ESRRG: variants seen among roughly 807,000 people sequenced by gnomAD.
ESRRG encodes the protein estrogen-related receptor gamma.
A neutral mutation model predicts 44.0 loss-of-function variants in ESRRG; 13 were observed. The observed-to-expected ratio is 0.30, with a 90% CI of 0.19 to 0.47. The LOEUF is 0.47. ESRRG is among the 20% of genes least tolerant of loss of function. The pLI, the probability that ESRRG is intolerant of heterozygous loss-of-function variation, is 1.00. For missense variants in ESRRG, 395 were observed against 580.6 expected (o/e 0.68, Z 3.29); for synonymous variants, 215 against 214.6 (o/e 1.00, Z -0.02).
At chr1:217,015,579 A>G (rs2079225359) in intron 1 of ESRRG, among the ~76,000 whole-genome samples, 1 of 152,054 alleles carries the variant, frequency 6.6e-6, no homozygotes, top group South Asian at 2.1e-4. Flanking sequence ...ATTAACTAAA[A>G]TTGTGTACTC....
At chr1:217,121,698 G>A (rs1580630005) in intron 1 of ESRRG, among the ~76,000 whole-genome samples, 1 of 152,196 alleles carries the variant, frequency 6.6e-6, no homozygotes, top group Admixed American at 6.5e-5. Flanking sequence ...AATGCAAGTT[G>A]AGAAGTTAAC....
chr1:216,549,557 A>G (rs1168222004), intron 5 of ESRRG, among the ~76,000 whole-genome samples: 1 of 152,098 alleles, frequency 6.6e-6, no homozygotes, highest in Non-Finnish European at 1.5e-5. Flanking sequence ...CATCCATACA[A>G]TTATATTTAT....
chr1:216,729,225 T>A (rs898247197), intron 2 of ESRRG, among the ~76,000 whole-genome samples: 1 of 152,246 alleles, frequency 6.6e-6, no homozygotes, highest in Non-Finnish European at 1.5e-5. Flanking sequence ...TCCCGTGCGC[T>A]GAGGAAATTT....
At chr1:216,677,930 C>T (rs2076388001) in intron 1 of ESRRG, among the ~76,000 whole-genome samples, 1 of 152,144 alleles carries the variant, frequency 6.6e-6, no homozygotes, top group Non-Finnish European at 1.5e-5. Flanking sequence ...TTGTATTTAT[C>T]CTCATTCTAC....
At chr1:217,044,181 C>A (rs889079897) in intron 1 of ESRRG, among the ~76,000 whole-genome samples, 2 of 152,108 alleles carry the variant, frequency 1.3e-5, no homozygotes, top group South Asian at 2.1e-4. Flanking sequence ...ATAGGATGTA[C>A]AATAGATCAT....
chr1:216,728,277 A>G (rs981733256), upstream of ESRRG, among the ~76,000 whole-genome samples: 33 of 152,198 alleles, frequency 2.2e-4, no homozygotes, highest in Admixed American at 3.9e-4. Context: ...TTCAAGGTCA[A>G]TGTCCCATTT....
intron 3 of ESRRG, among the ~76,000 whole-genome samples, chr1:216,626,182 A>G (rs1208084897): frequency 6.6e-6 from 1 of 152,140 alleles, no homozygotes; most frequent in Non-Finnish European, 1.5e-5. Context: ...AGTGCTTCAC[A>G]TTTCTTTTTA....
chr1:216,537,373 T>C (rs912801432), intron 5 of ESRRG, among the ~76,000 whole-genome samples: 3 of 152,054 alleles, frequency 2.0e-5, no homozygotes, highest in Non-Finnish European at 4.4e-5. Context: ...TTTCTGTTAA[T>C]TATAAGCCAC....
chr1:216,963,370 T>C (rs2069535551), intron 1 of ESRRG, among the ~76,000 whole-genome samples: 1 of 152,122 alleles, frequency 6.6e-6, no homozygotes, highest in Non-Finnish European at 1.5e-5. Flanking sequence ...GGTAAAATCA[T>C]AGAGTATGTG....
chr1:217,052,444 C>T (rs113374788), intron 1 of ESRRG, among the ~76,000 whole-genome samples: 2 of 152,296 alleles, frequency 1.3e-5, no homozygotes, highest in African/African-American at 4.8e-5. Flanking sequence ...CTGTAAATCA[C>T]TCCACGTGAA....
At chr1:216,716,623 A>G (rs2084932225) in intron 1 of ESRRG, among the ~76,000 whole-genome samples, 1 of 151,976 alleles carries the variant, frequency 6.6e-6, no homozygotes, top group Non-Finnish European at 1.5e-5. Flanking sequence ...CTCAAAGAAA[A>G]ATGAGAAGTC....
intron 2 of ESRRG, among the ~76,000 whole-genome samples, chr1:216,824,921 C>T (rs1401511756): frequency 6.6e-6 from 1 of 152,194 alleles, no homozygotes; most frequent in African/African-American, 2.4e-5. Flanking sequence ...GTTTTAAAAA[C>T]ATATAATCAC....
At chr1:216,676,547 T>C (rs1386034949) in intron 2 of ESRRG, among the ~76,000 whole-genome samples, 2 of 152,176 alleles carry the variant, frequency 1.3e-5, no homozygotes, top group Admixed American at 1.3e-4. Context: ...CAGCATTACC[T>C]GAAAATTTGT....
At position 217,065,497 on chromosome 1, in the gene ESRRG, A is replaced by G. The variant is rs189194786; in HGVS notation, c.-106+24010T>C. On this transcript the variant is annotated intron_variant, in intron 1 of 7. Coordinates refer to the ESRRG transcript ENST00000359162. Reference sequence around the variant, plus strand: ...CATGAGGTTTCAGTGGATCTGACCCACTCTGATGATGAAATCTAAAAGGAG... The same window carrying G: ...CATGAGGTTTCAGTGGATCTGACCCGCTCTGATGATGAAATCTAAAAGGAG... 2.6e-5 allele frequency among the ~76,000 whole-genome samples: 4 copies of G among 152,246 alleles called. No individual in the cohort carries two copies. The East Asian group carries it at 5.8e-4, about 22-fold the overall frequency.
chr1:216,625,260 G>T (rs2062972191), intron 3 of ESRRG, among the ~76,000 whole-genome samples: 1 of 151,802 alleles, frequency 6.6e-6, no homozygotes, highest in African/African-American at 2.4e-5. Flanking sequence ...GCTCAAAACT[G>T]TTGTTATATT....
chr1:216,873,212 T>TTTTG (rs2096283247), intron 2 of ESRRG, among the ~76,000 whole-genome samples: 1 of 143,862 alleles, frequency 7.0e-6, no homozygotes, highest in Admixed American at 6.9e-5. Flanking sequence ...CTTTTCAGTT[T>TTTTG]TTTTTTTTTT....
chr1:216,989,122 A>G (rs1022339908), intron 1 of ESRRG, among the ~76,000 whole-genome samples: 11 of 152,150 alleles, frequency 7.2e-5, no homozygotes, highest in African/African-American at 1.9e-4. Context: ...TTTTTCATAC[A>G]TCAAAACTCA....
rs144615576 is a variant in ESRRG at position 217,070,418 on chromosome 1, A to G, written c.-106+19089T>C. On this transcript the variant is annotated intron_variant, in intron 1 of 7. Transcript: ENST00000359162. Reference sequence around the variant, plus strand: ...TTTTTTTGAGATGGAGTCTCACACTATCGCCCAGGCTGGAGTGCAGTGGTG... The same window carrying G: ...TTTTTTTGAGATGGAGTCTCACACTGTCGCCCAGGCTGGAGTGCAGTGGTG... Among the ~76,000 whole-genome samples the G allele has an allele frequency of 8.3e-3, 1,261 of 151,384 alleles. 27 individuals carry two copies. Among genetic ancestry groups the G allele is most frequent in the African/African-American group, 0.029 (1,202 of 41,186 alleles).
At chr1:217,117,644 A>G (rs1398123392) in intron 1 of ESRRG, among the ~76,000 whole-genome samples, 2 of 152,140 alleles carry the variant, frequency 1.3e-5, no homozygotes, top group Non-Finnish European at 2.9e-5. Flanking sequence ...GACATCAAAT[A>G]AAGTTATTAT....
Sources: gnomAD v4.1 joint callset for allele counts (sites outside exome capture counted in the v4.1 genomes callset) on GRCh38, gnomAD v4.1.1 for gene constraint, MANE v1.5 for transcripts, NCBI Gene and HGNC (gene_info 2026-07-23, HGNC 2026-07-21) for gene names.